PPARGC1B: variants seen among roughly 807,000 people sequenced by gnomAD.
PPARGC1B encodes PPARG coactivator 1 beta, also known as peroxisome proliferator-activated receptor gamma coactivator 1-beta.
A neutral mutation model predicts 101.6 loss-of-function variants in PPARGC1B; 34 were observed. That is an observed-to-expected ratio of 0.33 (90% confidence interval 0.25 to 0.45). The LOEUF (loss-of-function observed/expected upper bound fraction) is 0.45, where lower values mean the gene tolerates loss of function less well. Among genes scored for constraint, PPARGC1B ranks in the 20% least tolerant of loss-of-function variants. The pLI is 1.00. For synonymous variants in PPARGC1B, 548 were observed against 539.3 expected, an observed-to-expected ratio of 1.02 and a Z score of -0.22; for missense variants, 1,234 against 1,317.6, an observed-to-expected ratio of 0.94 and a Z score of 0.98.
In PPARGC1B at chr5:149,833,485, G is replaced by A. The variant is rs201885711; in HGVS notation, c.1412G>A (p.Ser471Asn). The change falls in exon 5 of 12, where the codon AGC (serine) becomes AAC (asparagine). Residue 471 changes from serine (S) to asparagine (N), a missense_variant. Around this residue, in one of 3 missense-constraint regions of PPARGC1B, gnomAD observed 734 missense variants for 768.4 expected, o/e 0.96. Coordinates refer to ENST00000309241, the MANE Select transcript of PPARGC1B (RefSeq NM_133263.4). The surrounding 1 kb of genome is among the most constrained non-coding windows in gnomAD (Gnocchi z 4.1). ...PWTKLGRKLESSVCPVRRSRR... is the reference protein window; with the variant it reads ...PWTKLGRKLENSVCPVRRSRR... ...ACGAAGCTGGGGAGGAAGCTGGAGA[G>A]CTCTGTGTGCCCCGTGCGGCGTTCT... 2 of 1,566,144 alleles carry A rather than the reference G, an allele frequency of 1.3e-6. No individual in the cohort carries two copies. Among genetic ancestry groups the A allele is most frequent in the Admixed American group, 3.8e-5 (2 of 52,394 alleles).
chr5:149,778,882 A>G (rs928118309), intron 1 of PPARGC1B, among the ~76,000 whole-genome samples: 9 of 152,198 alleles, frequency 5.9e-5, no homozygotes, highest in African/African-American at 1.4e-4. Flanking sequence ...CCAGGATTCC[A>G]GAAAAAGAGA....
intron 1 of PPARGC1B, among the ~76,000 whole-genome samples, chr5:149,754,290 G>A (rs528254233): frequency 6.6e-5 from 10 of 151,230 alleles, no homozygotes; most frequent in East Asian, 2.0e-4. Context: ...ATTCCCTCAC[G>A]TGGCCCCGGG....
intron 1 of PPARGC1B, among the ~76,000 whole-genome samples, chr5:149,809,488 AG>A (rs1757759128): frequency 1.4e-5 from 1 of 71,238 alleles, no homozygotes; most frequent in Non-Finnish European, 3.8e-5. Flanking sequence ...ATAGATAGAT[AG>A]ATAGATAGAT....
At chr5:149,791,978 C>T (rs1413035591) in intron 1 of PPARGC1B, among the ~76,000 whole-genome samples, 3 of 152,006 alleles carry the variant, frequency 2.0e-5, no homozygotes, top group Non-Finnish European at 4.4e-5. Context: ...CCTTGGGTTC[C>T]CTATGGGGAA....
intron 1 of PPARGC1B, among the ~76,000 whole-genome samples, chr5:149,812,910 G>T (rs982744181): frequency 6.6e-6 from 1 of 152,216 alleles, no homozygotes; most frequent in Non-Finnish European, 1.5e-5. Flanking sequence ...CACTGGGAGG[G>T]GAATGGGTAA....
At chr5:149,803,272 T>C (rs1757491398) in intron 1 of PPARGC1B, among the ~76,000 whole-genome samples, 1 of 152,198 alleles carries the variant, frequency 6.6e-6, no homozygotes, top group Non-Finnish European at 1.5e-5. Flanking sequence ...CTCAGAGGTC[T>C]TGAGATTCTA....
intron 1 of PPARGC1B, among the ~76,000 whole-genome samples, chr5:149,797,106 C>G (rs1221199687): frequency 2.0e-5 from 3 of 152,158 alleles, no homozygotes; most frequent in Admixed American, 6.5e-5. Flanking sequence ...TGGACGGGCT[C>G]AAGGCTGCCC....
In PPARGC1B at chr5:149,847,549, C is replaced by T. The variant is rs1759615102; in HGVS notation, c.3063C>T (p.Ser1021=). Reference sequence around the variant, plus strand: ...GCTTACTGAAAGAGGCCCAGCAGAGCCTGCATTGATAACAGCCTTAACCCT... The same window carrying T: ...GCTTACTGAAAGAGGCCCAGCAGAGTCTGCATTGATAACAGCCTTAACCCT... ...FDSLLKEAQQ[S]LH Residue 1021 remains serine, a synonymous_variant, in exon 12 of 12, where the codon AGC becomes AGT. Coordinates refer to ENST00000309241, the MANE Select transcript of PPARGC1B (RefSeq NM_133263.4). 5 of 1,613,268 alleles carry T rather than the reference C, an allele frequency of 3.1e-6. No individual in the cohort carries two copies. The highest frequency in any genetic ancestry group is 4.2e-6 in the Non-Finnish European group (5 of 1,179,288).
chr5:149,773,987 T>G (rs1352254887), intron 1 of PPARGC1B, among the ~76,000 whole-genome samples: 1 of 152,212 alleles, frequency 6.6e-6, no homozygotes, highest in Admixed American at 6.5e-5. Flanking sequence ...TACCTGCCAG[T>G]CAGAAAGCAG....
At chr5:149,778,337 G>A (rs578128064) in intron 1 of PPARGC1B, among the ~76,000 whole-genome samples, 123 of 152,108 alleles carry the variant, frequency 8.1e-4, no homozygotes, top group Admixed American at 1.9e-3. Flanking sequence ...CTGCAACTCC[G>A]TGATGGGAGA....
intron 1 of PPARGC1B, among the ~76,000 whole-genome samples, chr5:149,739,582 T>C (rs1426233950): frequency 6.6e-6 from 1 of 152,076 alleles, no homozygotes; most frequent in Non-Finnish European, 1.5e-5. Context: ...CCTGACTCCC[T>C]GGCAAGTTCA....
chr5:149,772,060 G>A (rs756369396), intron 1 of PPARGC1B: 2 of 1,555,014 alleles, frequency 1.3e-6, no homozygotes, highest in Admixed American at 3.9e-5. Context: ...CTGTGCACAG[G>A]TGGGGACCTC....
Position 149,833,319 on chromosome 5 carries a change from G to T in PPARGC1B, c.1246G>T (p.Val416Leu). ...AAGCCTGCGCCCACTGCGGCTGGAG[G>T]TGAAAAGGGAGGTCCGCCGGCCTGC... ...RPSLRPLRLE[V>L]KREVRRPARL... The change falls in exon 5 of 12, where the codon GTG (valine) becomes TTG (leucine). Residue 416 changes from valine to leucine, a missense_variant. Coordinates refer to ENST00000309241, the MANE Select transcript of PPARGC1B (RefSeq NM_133263.4). The surrounding 1 kb of genome is among the most constrained non-coding windows in gnomAD (Gnocchi z 4.1). 6.2e-7 allele frequency: 1 copy of T among 1,613,466 alleles called. No individual in the cohort carries two copies. The highest frequency in any genetic ancestry group is 8.5e-7 in the Non-Finnish European group (1 of 1,180,038).
chr5:149,836,189 C>T (rs1759065034), intron 7 of PPARGC1B, 74 bp from the exon 8 acceptor site: 1 of 1,331,740 alleles, frequency 7.5e-7, no homozygotes, highest in South Asian at 1.5e-5. Context: ...AGGCTTGGCC[C>T]CAAACTTAGG....
At chr5:149,803,089 C>T (rs889363752) in intron 1 of PPARGC1B, among the ~76,000 whole-genome samples, 3 of 152,174 alleles carry the variant, frequency 2.0e-5, no homozygotes, top group African/African-American at 7.2e-5. Context: ...ACGTGCTGAC[C>T]CTGCATGTCT....
chr5:149,853,639 T>A lies in PPARGC1B; in HGVS notation c.*6081T>A, dbSNP rs539879756. 2.6e-5 allele frequency: 4 copies of A among 152,346 alleles called. No individual in the cohort carries two copies. Among genetic ancestry groups the A allele is most frequent in the South Asian group, 4.1e-4 (2 of 4,826 alleles). 9.4% of individuals were successfully genotyped at this position (152,346 alleles called of 1,614,324 possible). ...TATGATCCCCGAATAGCCAAATAGTTTTTTTTGTTCAATTTTTTGTTTCTG... is the reference window on the plus strand; with the variant it reads ...TATGATCCCCGAATAGCCAAATAGTATTTTTTGTTCAATTTTTTGTTTCTG... On this transcript the variant is annotated 3_prime_UTR_variant, in exon 12 of 12. Transcript: ENST00000309241. This position sits in a 1 kb window ranked among gnomAD's most constrained non-coding sequence, Gnocchi z 4.2.
intron 1 of PPARGC1B, among the ~76,000 whole-genome samples, chr5:149,766,928 G>A (rs1386630115): frequency 6.6e-6 from 1 of 152,208 alleles, no homozygotes. Flanking sequence ...CAGAGGGGTG[G>A]TAGCAGGGCT....
Position 149,730,970 on chromosome 5 carries a change from A to T in PPARGC1B, c.78+550A>T, listed in dbSNP as rs1754439009. ...CCTGCCAGTTGCCGGCTAAAGGCATAAGGGTCTGCGGGGCACGTGGACATG... is the reference window on the plus strand; with the variant it reads ...CCTGCCAGTTGCCGGCTAAAGGCATTAGGGTCTGCGGGGCACGTGGACATG... On this transcript the variant is annotated intron_variant, in intron 1 of 11. Transcript: ENST00000309241. This position sits in a 1 kb window ranked among gnomAD's most constrained non-coding sequence, Gnocchi z 4.0. Among the ~76,000 whole-genome samples, 1 of 152,184 alleles carries T rather than the reference A, an allele frequency of 6.6e-6. No individual in the cohort carries two copies. Among genetic ancestry groups the T allele is most frequent in the Admixed American group, 6.5e-5 (1 of 15,292 alleles).
chr5:149,808,986 T>C (rs763159948), intron 1 of PPARGC1B, among the ~76,000 whole-genome samples: 66 of 152,124 alleles, frequency 4.3e-4, no homozygotes, highest in Non-Finnish European at 8.1e-4. Context: ...TTAAAAATGT[T>C]TAAAATGGGC....
Sources: allele counts gnomAD v4.1 joint callset (sites outside exome capture counted in the v4.1 genomes callset), GRCh38; gene constraint gnomAD v4.1.1; regional missense constraint gnomAD v4.1.1; non-coding constraint Gnocchi (gnomAD v3.1); transcripts MANE v1.5; gene names NCBI Gene and HGNC (gene_info 2026-07-23, HGNC 2026-07-21).